TENM3: variants seen among roughly 807,000 people sequenced by gnomAD.
The protein encoded by TENM3 is teneurin-3.
TENM3 carries 63 observed loss-of-function variants against 255.1 expected under a neutral mutation model. The ratio of observed to expected loss-of-function variants is 0.25; its 90% CI spans 0.20 to 0.30. TENM3 has a LOEUF of 0.30. TENM3 is among the 10% of genes least tolerant of loss of function. The pLI, the probability that TENM3 is intolerant of heterozygous loss-of-function variation, is 1.00. For synonymous variants in TENM3, 1,306 were observed against 1,322.3 expected (o/e 0.99, Z 0.27); for missense variants, 2,929 against 3,461.1 (o/e 0.85, Z 3.86).
At chr4:181,537,282 T>A in the TENM3 span, among the ~76,000 whole-genome samples, 1 of 152,178 alleles carries the variant, frequency 6.6e-6, no homozygotes, top group African/African-American at 2.4e-5. Flanking sequence ...GACTGCAATT[T>A]ACCCTGGGAA....
intron 3 of TENM3, among the ~76,000 whole-genome samples, chr4:182,395,524 A>G (rs1768749627): frequency 6.6e-6 from 1 of 152,192 alleles, no homozygotes; most frequent in Admixed American, 6.5e-5. Context: ...CTGAGATATT[A>G]TGTTTAAAAT....
chr4:182,151,802 A>G (rs1579516012), intron 1 of TENM3, among the ~76,000 whole-genome samples: 1 of 151,996 alleles, frequency 6.6e-6, no homozygotes, highest in South Asian at 2.1e-4. Context: ...TTGTGTAATG[A>G]TGAGAATAGT....
chr4:182,482,561 A>G lies in TENM3; in HGVS notation c.512-118363A>G, dbSNP rs528510436. Among the ~76,000 whole-genome samples the G allele has an allele frequency of 2.6e-5, 4 of 152,354 alleles. No individual in the cohort carries two copies. The South Asian group carries it at 8.3e-4, about 32-fold the overall frequency. ...AATCTTCACTGCACTGTAGGTTAGAATACAAGAAAAATTGAAAATAAAATG... is the reference window on the plus strand; with the variant it reads ...AATCTTCACTGCACTGTAGGTTAGAGTACAAGAAAAATTGAAAATAAAATG... On this transcript the variant is annotated intron_variant, in intron 3 of 27. Transcript: ENST00000511685.
At chr4:181,981,810 T>G in the TENM3 span, among the ~76,000 whole-genome samples, 4 of 152,186 alleles carry the variant, frequency 2.6e-5, no homozygotes, top group Middle Eastern at 3.2e-3. Context: ...AGGTTTAGTA[T>G]TATTATAATG....
At chr4:181,683,649 G>A in the TENM3 span, among the ~76,000 whole-genome samples, 1 of 152,178 alleles carries the variant, frequency 6.6e-6, no homozygotes, top group African/African-American at 2.4e-5. Flanking sequence ...AGATGTGTCA[G>A]ACGAAGCTTT....
At chr4:182,581,368 TAATC>T (rs1302143166) in intron 3 of TENM3, among the ~76,000 whole-genome samples, 21 of 152,278 alleles carry the variant, frequency 1.4e-4, no homozygotes, top group African/African-American at 4.6e-4. Flanking sequence ...ATTGTGGAAA[TAATC>T]AAAGCTGAGC....
At chr4:181,504,612 T>G in the TENM3 span, among the ~76,000 whole-genome samples, 1 of 152,184 alleles carries the variant, frequency 6.6e-6, no homozygotes, top group Non-Finnish European at 1.5e-5. Context: ...CTAGCAGTAT[T>G]ACAGTGCAAC....
chr4:182,276,363 G>T (rs1264796650), intron 1 of TENM3, among the ~76,000 whole-genome samples: 1 of 152,172 alleles, frequency 6.6e-6, no homozygotes, highest in East Asian at 1.9e-4. Context: ...TCATGTTTTA[G>T]TGTTTAAACG....
intron 1 of TENM3, among the ~76,000 whole-genome samples, chr4:182,161,186 G>A (rs1751129282): frequency 7.0e-6 from 1 of 142,800 alleles, no homozygotes; most frequent in African/African-American, 2.6e-5. Context: ...GGAGGCCGAG[G>A]CGGGCGGATC....
intron 3 of TENM3, among the ~76,000 whole-genome samples, chr4:182,366,062 A>T (rs1486274797): frequency 1.3e-5 from 2 of 152,218 alleles, no homozygotes; most frequent in African/African-American, 4.8e-5. Flanking sequence ...CTGTAGAGAT[A>T]TAGATACAGA....
chr4:182,100,466 TAC>T, the TENM3 span, among the ~76,000 whole-genome samples: 31,132 of 106,714 alleles, frequency 0.29, 4,766 homozygotes, highest in African/African-American at 0.39. Flanking sequence ...TATATATATA[TAC>T]ACACACACAC....
Position 182,754,225 on chromosome 4 carries a change from A to C in TENM3, c.4018-160A>C, listed in dbSNP as rs1429274368. Among the ~76,000 whole-genome samples, 1 of 152,126 alleles carries C rather than the reference A, an allele frequency of 6.6e-6. No individual in the cohort carries two copies. Among genetic ancestry groups the C allele is most frequent in the Non-Finnish European group, 1.5e-5 (1 of 68,026 alleles). On this transcript the variant is annotated intron_variant, in intron 21 of 27. Transcript: ENST00000511685. This position sits in a 1 kb window ranked among gnomAD's most constrained non-coding sequence, Gnocchi z 5.1. ...TTATTTCCTGTATCTATCTTCATTC[A>C]TTACTTTTTGGTTTATTTTACTGAG...
the TENM3 span, among the ~76,000 whole-genome samples, chr4:182,132,935 C>T: frequency 6.6e-6 from 1 of 152,238 alleles, no homozygotes; most frequent in Middle Eastern, 3.4e-3. Context: ...ATAGTAACGA[C>T]TTGTGAAGTT....
chr4:181,629,806 G>A, the TENM3 span, among the ~76,000 whole-genome samples: 49 of 151,784 alleles, frequency 3.2e-4, no homozygotes, highest in African/African-American at 1.2e-4. Context: ...TCTTTTTTTT[G>A]TTGTATCCCT....
chr4:181,838,380 A>G, the TENM3 span, among the ~76,000 whole-genome samples: 3 of 152,180 alleles, frequency 2.0e-5, no homozygotes, highest in African/African-American at 7.2e-5. Context: ...CTTCAAAAGA[A>G]TTGATGTGTT....
At chr4:182,364,353 C>T (rs1766252519) in intron 3 of TENM3, among the ~76,000 whole-genome samples, 1 of 152,094 alleles carries the variant, frequency 6.6e-6, no homozygotes, top group Non-Finnish European at 1.5e-5. Flanking sequence ...TATTCTTAAT[C>T]TTTGTGTGTG....
chr4:182,314,225 T>C lies in TENM3; in HGVS notation c.-75-9721T>C, dbSNP rs542756391. Among the ~76,000 whole-genome samples the C allele has an allele frequency of 1.2e-3, 187 of 151,222 alleles. 1 individual carries two copies. Among genetic ancestry groups the C allele is most frequent in the African/African-American group, 3.0e-3 (124 of 41,104 alleles). ...CTGAGGCAGGAGAATGGCGTGAACC[T>C]GGGAGGCGGAGCTTGCAGTGAGCCG... On this transcript the variant is annotated intron_variant, in intron 1 of 27. Transcript: ENST00000511685.
At chr4:182,642,812 C>A (rs553443155) in intron 5 of TENM3, among the ~76,000 whole-genome samples, 5 of 152,170 alleles carry the variant, frequency 3.3e-5, no homozygotes, top group Admixed American at 1.3e-4. Context: ...TCCTTAATGA[C>A]AACTAGAGTG....
chr4:182,080,579 C>T, the TENM3 span, among the ~76,000 whole-genome samples: 3 of 152,162 alleles, frequency 2.0e-5, no homozygotes, highest in East Asian at 5.8e-4. Flanking sequence ...AATGTATGTA[C>T]TTCTAAATGT....
Sources: gnomAD v4.1 joint callset for allele counts (sites outside exome capture counted in the v4.1 genomes callset) on GRCh38, gnomAD v4.1.1 for gene constraint, Gnocchi (gnomAD v3.1) non-coding constraint, MANE v1.5 for transcripts, NCBI Gene and HGNC (gene_info 2026-07-23, HGNC 2026-07-21) for gene names.